Variants in NALF1 observed in about 807,000 individuals in gnomAD.
NALF1 encodes the protein family with sequence similarity 155 member A.
Under a neutral mutation model 48.4 loss-of-function variants are expected in NALF1, and 3 were observed. That is an observed-to-expected ratio of 0.06 (90% CI 0.03 to 0.16). The LOEUF (loss-of-function observed/expected upper bound fraction) is 0.16, where lower values mean the gene tolerates loss of function less well. Ranked by LOEUF, NALF1 falls within the 10% of genes least tolerant of loss-of-function variation. The pLI, the probability that NALF1 is intolerant of heterozygous loss-of-function variation, is 1.00. For missense variants in NALF1, 526 were observed against 571.5 expected (o/e 0.92, Z 0.81); for synonymous variants, 262 against 245.7 (o/e 1.07, Z -0.62).
At chr13:107,708,870 T>C (rs1875482199) in intron 1 of NALF1, among the ~76,000 whole-genome samples, 1 of 152,320 alleles carries the variant, frequency 6.6e-6, no homozygotes, top group South Asian at 2.1e-4. Flanking sequence ...CTATTCTTCC[T>C]GATGCTCTCC....
intron 1 of NALF1, among the ~76,000 whole-genome samples, chr13:107,701,256 T>C (rs561709866): frequency 2.6e-5 from 4 of 152,038 alleles, no homozygotes; most frequent in East Asian, 3.9e-4. Flanking sequence ...GAAAGACAAA[T>C]AGATAAAGCA....
At chr13:107,616,212 T>A (rs1191434943) in intron 1 of NALF1, among the ~76,000 whole-genome samples, 1 of 152,166 alleles carries the variant, frequency 6.6e-6, no homozygotes, top group African/African-American at 2.4e-5. Context: ...AAAATGAAAA[T>A]GTAAATGTTA....
At chr13:107,699,461 CA>C (rs1881771512) in intron 1 of NALF1, among the ~76,000 whole-genome samples, 1 of 152,080 alleles carries the variant, frequency 6.6e-6, no homozygotes, top group East Asian at 1.9e-4. Flanking sequence ...CTTTCTAAAA[CA>C]GGCCACTGAA....
intron 1 of NALF1, among the ~76,000 whole-genome samples, chr13:107,733,068 A>T (rs1280311383): frequency 6.6e-6 from 1 of 152,184 alleles, no homozygotes; most frequent in Non-Finnish European, 1.5e-5. Context: ...AAGAAGGGAC[A>T]CTTGGATTAA....
chr13:107,407,477 C>T (rs1260286354), intron 1 of NALF1, among the ~76,000 whole-genome samples: 1 of 152,038 alleles, frequency 6.6e-6, no homozygotes, highest in African/African-American at 2.4e-5. Context: ...CAAAAGAAGA[C>T]ATACAAATGG....
intron 1 of NALF1, among the ~76,000 whole-genome samples, chr13:107,529,016 A>C (rs572205061): frequency 6.6e-6 from 1 of 152,264 alleles, no homozygotes; most frequent in East Asian, 1.9e-4. Context: ...CAATAAAAGT[A>C]TGAATTTTGG....
chr13:107,681,518 G>T (rs1881303599), intron 1 of NALF1, among the ~76,000 whole-genome samples: 1 of 152,040 alleles, frequency 6.6e-6, no homozygotes, highest in Non-Finnish European at 1.5e-5. Flanking sequence ...TAATCCCTAT[G>T]CCCAGTTAAC....
intron 1 of NALF1, among the ~76,000 whole-genome samples, chr13:107,751,935 A>G (rs1876952485): frequency 6.6e-6 from 1 of 152,128 alleles, no homozygotes; most frequent in Non-Finnish European, 1.5e-5. Context: ...TGCTTATATT[A>G]ATAAAATATA....
chr13:107,471,035 G>T (rs1355091821), intron 1 of NALF1, among the ~76,000 whole-genome samples: 1 of 152,174 alleles, frequency 6.6e-6, no homozygotes. Flanking sequence ...AGAACTATTT[G>T]CAGCATGGTA....
intron 1 of NALF1, among the ~76,000 whole-genome samples, chr13:107,730,434 A>G (rs1876278111): frequency 6.6e-6 from 1 of 152,186 alleles, no homozygotes; most frequent in Non-Finnish European, 1.5e-5. Flanking sequence ...TAAAAACAAT[A>G]TCTAAGCACA....
intron 1 of NALF1, among the ~76,000 whole-genome samples, chr13:107,342,755 TA>T (rs1006380173): frequency 1.3e-5 from 2 of 151,958 alleles, no homozygotes; most frequent in Admixed American, 6.6e-5. Flanking sequence ...AGAAGAGATA[TA>T]AAAGGAAATG....
intron 1 of NALF1, among the ~76,000 whole-genome samples, chr13:107,603,459 AGTC>A (rs1475598718): frequency 6.6e-6 from 1 of 152,218 alleles, no homozygotes; most frequent in East Asian, 1.9e-4. Context: ...TAGAGATAAA[AGTC>A]ATCAACATGC....
intron 1 of NALF1, among the ~76,000 whole-genome samples, chr13:107,287,709 T>TC (rs370294715): frequency 5.6e-5 from 7 of 124,456 alleles, no homozygotes; most frequent in South Asian, 5.0e-4. Flanking sequence ...TTTCTTTCTT[T>TC]TTTTTTTTTT....
At chr13:107,313,023 A>T (rs180725295) in intron 1 of NALF1, among the ~76,000 whole-genome samples, 8 of 152,322 alleles carry the variant, frequency 5.3e-5, no homozygotes, top group African/African-American at 1.9e-4. Context: ...TTGTGAATAA[A>T]CTAGAGAAGT....
At chr13:107,386,764 T>C (rs1367640311) in intron 1 of NALF1, among the ~76,000 whole-genome samples, 3 of 152,172 alleles carry the variant, frequency 2.0e-5, no homozygotes, top group Non-Finnish European at 4.4e-5. Context: ...TTCATTCTAG[T>C]ACGTCCACCT....
intron 1 of NALF1, among the ~76,000 whole-genome samples, chr13:107,815,408 G>A (rs1879134137): frequency 6.6e-6 from 1 of 151,980 alleles, no homozygotes; most frequent in South Asian, 2.1e-4. Flanking sequence ...TTCTTGAAGA[G>A]CAATTCAACA....
intron 1 of NALF1, among the ~76,000 whole-genome samples, chr13:107,605,038 T>A (rs1228609258): frequency 1.3e-5 from 2 of 152,182 alleles, no homozygotes; most frequent in Non-Finnish European, 2.9e-5. Flanking sequence ...AAACTGATGA[T>A]TAGAAATTCC....
At chr13:107,732,225 T>C (rs546085036) in intron 1 of NALF1, among the ~76,000 whole-genome samples, 11 of 152,126 alleles carry the variant, frequency 7.2e-5, no homozygotes, top group African/African-American at 2.7e-4. Context: ...ACTACATGCA[T>C]CCTCTATATA....
intron 1 of NALF1, among the ~76,000 whole-genome samples, chr13:107,276,187 T>C (rs1881277216): frequency 6.6e-6 from 1 of 152,124 alleles, no homozygotes; most frequent in Non-Finnish European, 1.5e-5. Flanking sequence ...AGAGATTACA[T>C]GAGGAGATCA....
Sources: gnomAD v4.1 joint callset for allele counts (sites outside exome capture counted in the v4.1 genomes callset) on GRCh38, gnomAD v4.1.1 for gene constraint, MANE v1.5 for transcripts, NCBI Gene and HGNC (gene_info 2026-07-23, HGNC 2026-07-21) for gene names.